The following KIZ variants were observed in gnomAD, a reference collection of about 807,000 sequenced individuals.
KIZ encodes kizuna centrosomal protein.
Under a neutral mutation model 79.6 loss-of-function variants are expected in KIZ, and 68 were observed. The observed-to-expected ratio is 0.85, with a 90% confidence interval of 0.70 to 1.05. The LOEUF is 1.05. Among genes scored for constraint, KIZ ranks in the 50% least tolerant of loss-of-function variants. The probability of loss-of-function intolerance (pLI) is 0.00; values close to 1 mark genes in which losing one functional copy is unlikely to be tolerated. For missense variants in KIZ, 797 were observed against 800.4 expected (o/e 1.00, Z 0.05); for synonymous variants, 280 against 281.8 (o/e 0.99, Z 0.06).
chr20:21,206,345 G>A (rs2035827020), intron 7 of KIZ, among the ~76,000 whole-genome samples: 1 of 152,172 alleles, frequency 6.6e-6, no homozygotes. Context: ...TCAAAAATGT[G>A]GGCTTTCAGG....
intron 3 of KIZ, 96 bp downstream of exon 3, chr20:21,136,648 G>T: frequency 1.2e-6 from 1 of 847,094 alleles, no homozygotes; most frequent in South Asian, 2.0e-5. Context: ...ACCCAGGCTA[G>T]ACTTGAACAC....
intron 9 of KIZ, among the ~76,000 whole-genome samples, 194 bp downstream of exon 9, chr20:21,215,842 G>A (rs368356571): frequency 1.2e-4 from 19 of 152,248 alleles, no homozygotes; most frequent in East Asian, 7.7e-4. Flanking sequence ...GAAAATCACC[G>A]TGTCTATTGA....
chr20:21,161,364 A>G (rs1436475186), intron 4 of KIZ, among the ~76,000 whole-genome samples: 2 of 151,896 alleles, frequency 1.3e-5, no homozygotes, highest in African/African-American at 4.8e-5. Flanking sequence ...TTTTTTTGAG[A>G]TGGAGTCTCC....
At position 21,162,849 on chromosome 20, in the gene KIZ, G is replaced by T. The variant is rs754163823; in HGVS notation, c.1043-1G>T. ...TAATCAGTTCATGTCGCCACTTGCA[G>T]ATCATCTTGCTCACAGGGAACCAAA... On this transcript the variant is annotated splice_acceptor_variant, in intron 5 of 12. Transcript: ENST00000619189. LOFTEE classifies it high-confidence loss of function. 1.2e-6 allele frequency: 2 copies of T among 1,609,938 alleles called. No homozygotes were observed. Among genetic ancestry groups the T allele is most frequent in the South Asian group, 2.2e-5 (2 of 90,488 alleles).
At chr20:21,126,594 C>T (rs1451440101) in intron 1 of KIZ, among the ~76,000 whole-genome samples, 1 of 152,148 alleles carries the variant, frequency 6.6e-6, no homozygotes, top group African/African-American at 2.4e-5. Flanking sequence ...AAATTGCCAT[C>T]CCGCCGTGAC....
At chr20:21,176,869 T>G (rs1017607430) in intron 6 of KIZ, among the ~76,000 whole-genome samples, 2 of 152,210 alleles carry the variant, frequency 1.3e-5, no homozygotes, top group African/African-American at 4.8e-5. Flanking sequence ...GGTAGAGAAA[T>G]TATGTCTAGC....
rs1289495955 is a variant in KIZ at position 21,136,405 on chromosome 20, T to C, written c.168T>C (p.Tyr56=). The C allele has an allele frequency of 6.5e-7, 1 of 1,533,436 alleles. No homozygotes were observed. Among genetic ancestry groups the C allele is most frequent in the Non-Finnish European group, 8.9e-7 (1 of 1,126,114 alleles). 95.0% of individuals were successfully genotyped at this position (1,533,436 alleles called of 1,614,324 possible). The stretch of plus-strand genomic sequence containing the variant: ...AATTTTCTAGAGTTAAGCTGAAATA[T>C]GTAAAACTAAAGAATTATCTGAAGG... The part of the protein sequence containing the change: ...QSDTCRVKLK[Y]VKLKNYLKEI... Residue 56 remains tyrosine (Y), a synonymous_variant, in exon 3 of 13, where the codon TAT becomes TAC. Transcript: ENST00000619189.
chr20:21,139,601 T>C (rs552113835), intron 3 of KIZ, among the ~76,000 whole-genome samples: 1 of 152,166 alleles, frequency 6.6e-6, no homozygotes. Context: ...TATCTTCATA[T>C]TGAGGCTTCA....
intron 9 of KIZ, 45 bp from the exon 10 acceptor site, chr20:21,228,966 G>A: frequency 9.5e-7 from 1 of 1,050,664 alleles, no homozygotes; most frequent in Non-Finnish European, 1.4e-6. Flanking sequence ...CTTCTTTCTG[G>A]CCAGTAAAAA....
intron 11 of KIZ, among the ~76,000 whole-genome samples, chr20:21,239,902 A>G (rs1158396600): frequency 2.0e-5 from 3 of 152,188 alleles, no homozygotes; most frequent in Admixed American, 2.0e-4. Context: ...TAGCAGGGGA[A>G]TTTATAAGCA....
intron 6 of KIZ, among the ~76,000 whole-genome samples, chr20:21,203,495 G>T (rs560114575): frequency 6.6e-6 from 1 of 152,314 alleles, no homozygotes; most frequent in South Asian, 2.1e-4. Flanking sequence ...TCGAAAGGTT[G>T]ATGACTTCAG....
intron 6 of KIZ, among the ~76,000 whole-genome samples, chr20:21,180,148 A>G (rs1455171690): frequency 6.6e-6 from 1 of 150,744 alleles, no homozygotes; most frequent in Non-Finnish European, 1.5e-5. Context: ...AAAATGGAAT[A>G]CTGAAGTCTC....
At chr20:21,150,969 C>T (rs1271155520) in intron 4 of KIZ, 1 of 152,244 alleles carries the variant, frequency 6.6e-6, no homozygotes, top group African/African-American at 2.4e-5. Context: ...TTCCAAGGAG[C>T]TGGTGGGGAG....
chr20:21,184,900 A>C (rs920826496), intron 6 of KIZ, among the ~76,000 whole-genome samples: 14 of 152,148 alleles, frequency 9.2e-5, no homozygotes, highest in African/African-American at 3.4e-4. Flanking sequence ...TAAGTTAGTC[A>C]GGCATGATGG....
chr20:21,242,217 G>A (rs1170608220), intron 11 of KIZ, among the ~76,000 whole-genome samples: 1 of 152,202 alleles, frequency 6.6e-6, no homozygotes, highest in African/African-American at 2.4e-5. Context: ...GGACTCAGTG[G>A]TAAAGATAGG....
intron 6 of KIZ, among the ~76,000 whole-genome samples, chr20:21,176,826 T>C (rs779335508): frequency 7.9e-5 from 12 of 152,250 alleles, no homozygotes; most frequent in Admixed American, 2.0e-4. Context: ...AAATAAAGAA[T>C]GCCTTTGGTG....
chr20:21,166,016 G>T (rs2033915279), intron 6 of KIZ, among the ~76,000 whole-genome samples: 1 of 152,282 alleles, frequency 6.6e-6, no homozygotes, highest in African/African-American at 2.4e-5. Context: ...GCCCAGGCTG[G>T]AGTGCAATGG....
chr20:21,202,299 T>A (rs970776896), intron 6 of KIZ: 1 of 152,230 alleles, frequency 6.6e-6, no homozygotes, highest in African/African-American at 2.4e-5. Flanking sequence ...GACTTACTTA[T>A]TATAAGAAAT....
intron 6 of KIZ, among the ~76,000 whole-genome samples, chr20:21,201,013 CTACAAAAAAA>C (rs985556337): frequency 2.6e-5 from 4 of 151,972 alleles, no homozygotes; most frequent in Non-Finnish European, 4.4e-5. Flanking sequence ...AACCCCATCT[CTACAAAAAAA>C]TACAAAAAAA....
Sources: gnomAD v4.1 joint callset for allele counts (sites outside exome capture counted in the v4.1 genomes callset) on GRCh38, gnomAD v4.1.1 for gene constraint, MANE v1.5 for transcripts, NCBI Gene and HGNC (gene_info 2026-07-23, HGNC 2026-07-21) for gene names.